Variants in COL6A2 observed in about 807,000 individuals in gnomAD.
COL6A2 encodes collagen type VI alpha 2 chain.
COL6A2 carries 90 observed loss-of-function variants against 124.9 expected under a neutral mutation model. That is an observed-to-expected ratio of 0.72 (90% confidence interval 0.61 to 0.86). COL6A2 has a LOEUF of 0.86. Ranked by LOEUF, COL6A2 falls within the 40% of genes least tolerant of loss-of-function variation. The probability of loss-of-function intolerance (pLI) is 0.00; values close to 1 mark genes in which losing one functional copy is unlikely to be tolerated. For missense variants in COL6A2, 1,607 were observed against 1,502.5 expected, an observed-to-expected ratio of 1.07 and a Z score of -1.15; for synonymous variants, 793 against 618.2, an observed-to-expected ratio of 1.28 and a Z score of -4.19.
In COL6A2 at chr21:46,099,015, C is replaced by T. The variant is rs2078257831; in HGVS notation, c.-28+842C>T. On this transcript the variant is annotated intron_variant, in intron 1 of 27. Coordinates refer to ENST00000300527, the MANE Select transcript of COL6A2 (RefSeq NM_001849.4). ...GCCAGCAGAACCCCGGTGCCCGCGC[C>T]TAGGACGCCCCTGGAGAAGGGACCT... is the stretch of plus-strand genomic sequence containing the variant. The T allele has an allele frequency of 2.6e-5, 4 of 152,360 alleles. No homozygotes were observed. In the South Asian group the frequency reaches 8.3e-4, roughly 31 times the overall value. 9.4% of individuals were successfully genotyped at this position (152,360 alleles called of 1,614,324 possible).
rs535007570 is a variant in COL6A2 at position 46,120,518 on chromosome 21, G to A, written c.1336G>A (p.Asp446Asn). Reference sequence around the variant, plus strand: ...GGCCTCCCTTCCCTTCCCACAGGGGGACCCTGGCCCTGAGGGGCCCCGCGG... The same window carrying A: ...GGCCTCCCTTCCCTTCCCACAGGGGAACCCTGGCCCTGAGGGGCCCCGCGG... ...GSDGPKGEKG[D>N]PGPEGPRGLA... The change falls in exon 16 of 28, where the codon GAC becomes AAC. Residue 446 changes from aspartate (D) to asparagine (N), a missense_variant. Asp to Asn is a conservative substitution (Grantham distance 23, BLOSUM62 1). Transcript: ENST00000300527. The A allele has an allele frequency of 8.8e-4, 1,328 of 1,507,332 alleles. 1 individual carries two copies. Among genetic ancestry groups the A allele is most frequent in the Non-Finnish European group, 1.1e-3 (1,246 of 1,130,590 alleles). The allele number at this position is 1,507,332 out of a possible 1,614,324, so 93.4% of individuals were successfully genotyped here. A position where few individuals can be genotyped will look rare whatever the true frequency, so the allele number is the denominator to read the frequency against.
rs1193063110 is a variant in COL6A2 at position 46,117,587 on chromosome 21, C to T, written c.1053+134C>T. 6 of 943,764 alleles carry T rather than the reference C, an allele frequency of 6.4e-6. No individual in the cohort carries two copies. In the East Asian group the frequency reaches 7.9e-5, roughly 12 times the overall value. 58.5% of individuals were successfully genotyped at this position (943,764 alleles called of 1,614,324 possible). On this transcript the variant is annotated intron_variant, in intron 11 of 27. Transcript: ENST00000300527. ...CCCAGCAGCCCCAGCCCAGCAGCCCCAGCCCAGCATTCTGCCGGGTCGGAG... is the reference window on the plus strand; with the variant it reads ...CCCAGCAGCCCCAGCCCAGCAGCCCTAGCCCAGCATTCTGCCGGGTCGGAG...
chr21:46,126,479 C>G, intron 26 of COL6A2, 24 bp from the exon 27 acceptor site: 1 of 1,613,068 alleles, frequency 6.2e-7, no homozygotes, highest in Admixed American at 1.7e-5. Flanking sequence ...CCTGGCCTGG[C>G]CCGGCCTCTC....
intron 21 of COL6A2, among the ~76,000 whole-genome samples, chr21:46,123,724 AGT>A (rs1250961647): frequency 1.9e-5 from 2 of 103,672 alleles, no homozygotes; most frequent in African/African-American, 7.3e-5. Flanking sequence ...TGGGTGGGCG[AGT>A]GTGTGGTTAG....
At position 46,112,224 on chromosome 21, in the gene COL6A2, A is replaced by T. The variant is rs1473263141; in HGVS notation, c.361A>T (p.Asn121Tyr). 1 of 1,612,894 alleles carries T rather than the reference A, an allele frequency of 6.2e-7. No individual in the cohort carries two copies. The highest frequency in any genetic ancestry group is 8.5e-7 in the Non-Finnish European group (1 of 1,180,006). ...PGSDRASFIK[N>Y]LQGISSFRRG... The stretch of plus-strand genomic sequence containing the variant: ...CAGCGACCGGGCCTCCTTCATCAAG[A>T]ACCTGCAGGGCATCAGCTCCTTCCG... The change falls in exon 3 of 28, where the codon AAC becomes TAC. Residue 121 changes from asparagine (N) to tyrosine (Y), a missense_variant. Around this residue, in one of 3 missense-constraint regions of COL6A2, gnomAD observed 342 missense variants for 381.5 expected, o/e 0.90. Transcript: ENST00000300527.
intron 1 of COL6A2, 179 bp from the exon 2 acceptor site, chr21:46,111,271 G>A (rs2078394515): frequency 1.8e-6 from 1 of 562,574 alleles, no homozygotes. Flanking sequence ...GGGCAAGAGG[G>A]CGCAAGCCCC....
intron 27 of COL6A2, chr21:46,128,903 G>A (rs774807887): frequency 1.2e-5 from 19 of 1,612,216 alleles, no homozygotes; most frequent in Non-Finnish European, 1.3e-5. Flanking sequence ...TCCGGCACAG[G>A]TTTGGACGGA....
intron 1 of COL6A2, among the ~76,000 whole-genome samples, chr21:46,104,695 C>T (rs938127496): frequency 1.3e-5 from 2 of 152,076 alleles, no homozygotes; most frequent in Admixed American, 1.3e-4. Flanking sequence ...CCAAAAAGCT[C>T]CAAGCAGGAT....
rs541222486 is a variant in COL6A2 at position 46,120,330 on chromosome 21, C to T, written c.1333-185C>T. Among the ~76,000 whole-genome samples the T allele has an allele frequency of 3.9e-5, 6 of 152,286 alleles. No homozygotes were observed. In the South Asian group the frequency reaches 6.2e-4, roughly 16 times the overall value. On this transcript the variant is annotated intron_variant, in intron 15 of 27. Coordinates refer to ENST00000300527, the MANE Select transcript of COL6A2 (RefSeq NM_001849.4). ...GGACCGAGAGACACCGTGCTCAGAGCGGCAGCTACAGGCACCGGGAAGGAG... is the reference window on the plus strand; with the variant it reads ...GGACCGAGAGACACCGTGCTCAGAGTGGCAGCTACAGGCACCGGGAAGGAG...
In COL6A2 at chr21:46,132,419, T is replaced by C. The variant is rs200200671; in HGVS notation, c.2927T>C (p.Leu976Ser). The change falls in exon 28 of 28, where the codon TTG becomes TCG. Residue 976 changes from leucine (L) to serine (S), a missense_variant. Physicochemically the swap from Leu to Ser is moderately radical, Grantham distance 145. Coordinates refer to ENST00000300527, the MANE Select transcript of COL6A2 (RefSeq NM_001849.4). ...AACGTGGTACCCACCGTGCTGGCCTTGGGCAGCGACGTGGACATGGACGTG... is the reference window on the plus strand; with the variant it reads ...AACGTGGTACCCACCGTGCTGGCCTCGGGCAGCGACGTGGACATGGACGTG... ...KQNVVPTVLA[L>S]GSDVDMDVLT... The C allele has an allele frequency of 2.2e-4, 351 of 1,607,566 alleles. 2 individuals carry two copies. The East Asian group carries it at 3.2e-3, about 15-fold the overall frequency.
At position 46,117,939 on chromosome 21, in the gene COL6A2, A is replaced by G; in HGVS notation, c.1116+3A>G. 6.2e-7 allele frequency: 1 copy of G among 1,611,894 alleles called. No individual in the cohort carries two copies. Among genetic ancestry groups the G allele is most frequent in the Non-Finnish European group, 8.5e-7 (1 of 1,179,268 alleles). On this transcript the variant is annotated splice_donor_region_variant and intron_variant, in intron 12 of 27. Coordinates refer to ENST00000300527, the MANE Select transcript of COL6A2 (RefSeq NM_001849.4). ...AGCGAGGAGACCAAGGCGGCAAGGT[A>G]AGTGGCCTTGTCAGGGTACGGGGCA...
At chr21:46,117,257 G>A (rs555512800) in intron 10 of COL6A2, 143 bp from the exon 11 acceptor site, 133 of 791,252 alleles carry the variant, frequency 1.7e-4, no homozygotes, top group Admixed American at 1.1e-3. Context: ...CACAGCAGCC[G>A]TGGCCTCATG....
At position 46,125,548 on chromosome 21, in the gene COL6A2, G is replaced by C; in HGVS notation, c.1900G>C (p.Glu634Gln). 1 of 1,612,934 alleles carries C rather than the reference G, an allele frequency of 6.2e-7. No homozygotes were observed. The highest frequency in any genetic ancestry group is 1.1e-5 in the South Asian group (1 of 91,082). The change falls in exon 25 of 28, where the codon GAG becomes CAG. Residue 634 changes from glutamate to glutamine, a missense_variant. Physicochemically the swap from Glu to Gln is conservative, Grantham distance 29. Transcript: ENST00000300527. ...ESIGYTNFTL[E>Q]KNFVINVVNR... ...CATTGGGTACACCAACTTCACACTG[G>C]AGAAGAACTTCGTCATCAACGTGGT...
chr21:46,125,411 C>A, intron 24 of COL6A2, 54 bp from the exon 25 acceptor site: 1 of 1,610,404 alleles, frequency 6.2e-7, no homozygotes, highest in African/African-American at 1.3e-5. Context: ...GTGCACGTGA[C>A]CCTAGGGTCT....
At position 46,126,140 on chromosome 21, in the gene COL6A2, C is replaced by T. The variant is rs770721679; in HGVS notation, c.2325C>T (p.Ile775=). ...ACGAGAGTGAAAACCTCTACTCCATCGCCTGCGACAAGCCACAGCAGGTGC... is the reference window on the plus strand; with the variant it reads ...ACGAGAGTGAAAACCTCTACTCCATTGCCTGCGACAAGCCACAGCAGGTGC... The part of the protein sequence containing the change: ...EKHESENLYS[I]ACDKPQQVRN... Residue 775 remains isoleucine, a synonymous_variant, in exon 26 of 28, where the codon ATC becomes ATT. Transcript: ENST00000300527. The T allele has an allele frequency of 8.1e-6, 13 of 1,611,256 alleles. No individual in the cohort carries two copies. The highest frequency in any genetic ancestry group is 5.0e-5 in the Admixed American group (3 of 60,010).
At chr21:46,127,120 T>C (rs549476003) in intron 27 of COL6A2, among the ~76,000 whole-genome samples, 1 of 152,208 alleles carries the variant, frequency 6.6e-6, no homozygotes, top group Admixed American at 6.5e-5. Flanking sequence ...GCTGCCCCCA[T>C]GGTGCACTGC....
At chr21:46,112,971 G>A in intron 4 of COL6A2, 147 bp downstream of exon 4, 1 of 1,026,134 alleles carries the variant, frequency 9.7e-7, no homozygotes, top group Non-Finnish European at 1.5e-6. Flanking sequence ...CTGAGGCCTT[G>A]GAGTCTGGAG....
intron 17 of COL6A2, 77 bp from the exon 18 acceptor site, chr21:46,121,479 A>G (rs2078565083): frequency 7.1e-7 from 1 of 1,411,142 alleles, no homozygotes; most frequent in East Asian, 2.3e-5. Flanking sequence ...TCAGGGCTGG[A>G]CGGGGCATGT....
intron 27 of COL6A2, among the ~76,000 whole-genome samples, chr21:46,131,016 C>T (rs551193366): frequency 1.3e-5 from 2 of 152,330 alleles, no homozygotes; most frequent in African/African-American, 4.8e-5. Flanking sequence ...TCCAGGGCCC[C>T]CAGAAACCGA....
Sources: allele counts gnomAD v4.1 joint callset (sites outside exome capture counted in the v4.1 genomes callset), GRCh38; gene constraint gnomAD v4.1.1; regional missense constraint gnomAD v4.1.1; transcripts MANE v1.5; gene names NCBI Gene and HGNC (gene_info 2026-07-23, HGNC 2026-07-21).